GSK3B: variants seen among roughly 807,000 people sequenced by gnomAD.
GSK3B encodes the protein glycogen synthase kinase-3 beta.
In GSK3B, 15 loss-of-function variants were observed where a neutral mutation model predicts 56.4. That is an observed-to-expected ratio of 0.27 (90% CI 0.18 to 0.41). The LOEUF (loss-of-function observed/expected upper bound fraction) is 0.41. GSK3B is among the 10% of genes least tolerant of loss of function. The pLI is 1.00. For missense variants in GSK3B, 300 were observed against 513.4 expected (o/e 0.58, Z 4.02); for synonymous variants, 181 against 188.9 (o/e 0.96, Z 0.34).
At chr3:119,913,836 C>T (rs996192794) in intron 5 of GSK3B, among the ~76,000 whole-genome samples, 12 of 152,160 alleles carry the variant, frequency 7.9e-5, no homozygotes, top group African/African-American at 2.9e-4. Flanking sequence ...ACCCTCTCCC[C>T]AAGTACTGAC....
intron 1 of GSK3B, among the ~76,000 whole-genome samples, chr3:120,022,144 T>C (rs892191638): frequency 1.3e-5 from 2 of 152,236 alleles, no homozygotes; most frequent in South Asian, 2.1e-4. Flanking sequence ...TGTCTCCTTT[T>C]AAACAATTGG....
At chr3:119,974,487 C>T (rs537657780) in intron 2 of GSK3B, among the ~76,000 whole-genome samples, 7 of 152,240 alleles carry the variant, frequency 4.6e-5, no homozygotes, top group East Asian at 1.9e-4. Flanking sequence ...GATGCCCCCA[C>T]GGAAGGACAC....
intron 1 of GSK3B, among the ~76,000 whole-genome samples, chr3:120,049,811 G>A (rs1224662701): frequency 5.3e-5 from 8 of 152,098 alleles, no homozygotes; most frequent in Non-Finnish European, 7.4e-5. Flanking sequence ...TAAACATTTC[G>A]GGCTTTGCAA....
At chr3:120,056,622 A>G (rs2058193251) in intron 1 of GSK3B, among the ~76,000 whole-genome samples, 1 of 152,108 alleles carries the variant, frequency 6.6e-6, no homozygotes, top group Non-Finnish European at 1.5e-5. Flanking sequence ...TACAGACATG[A>G]GCCACTGTGC....
intron 10 of GSK3B, among the ~76,000 whole-genome samples, chr3:119,827,579 C>T (rs1281515218): frequency 1.1e-5 from 1 of 94,520 alleles, no homozygotes; most frequent in African/African-American, 3.8e-5. Flanking sequence ...AGTAAGATAC[C>T]GTCTTTAAAA....
At chr3:119,937,106 G>C (rs2057003028) in intron 3 of GSK3B, among the ~76,000 whole-genome samples, 1 of 152,078 alleles carries the variant, frequency 6.6e-6, no homozygotes, top group African/African-American at 2.4e-5. Context: ...TCACAAATGT[G>C]TGGAAATTGA....
intron 2 of GSK3B, among the ~76,000 whole-genome samples, chr3:119,991,603 C>T (rs1263634840): frequency 6.6e-6 from 1 of 150,420 alleles, no homozygotes; most frequent in East Asian, 2.0e-4. Flanking sequence ...CCTATTTCAA[C>T]CTTCTGCTGG....
intron 1 of GSK3B, chr3:120,029,749 T>G (rs149228520): frequency 3.6e-5 from 20 of 554,894 alleles, no homozygotes; most frequent in Non-Finnish European, 7.3e-5. Context: ...GGAGCTCTCT[T>G]TGGAATATGG....
At chr3:120,057,188 G>A (rs2058198359) in intron 1 of GSK3B, among the ~76,000 whole-genome samples, 1 of 152,082 alleles carries the variant, frequency 6.6e-6, no homozygotes, top group South Asian at 2.1e-4. Flanking sequence ...GAACTTACTA[G>A]TAATCAAAGC....
At chr3:119,904,030 T>C (rs2056654357) in intron 7 of GSK3B, among the ~76,000 whole-genome samples, 1 of 152,124 alleles carries the variant, frequency 6.6e-6, no homozygotes, top group Admixed American at 6.6e-5. Context: ...AGAGAAAGGT[T>C]ATATTTCCCC....
At chr3:120,085,135 T>A (rs751285584) in intron 1 of GSK3B, among the ~76,000 whole-genome samples, 9 of 152,198 alleles carry the variant, frequency 5.9e-5, no homozygotes, top group Non-Finnish European at 1.3e-4. Flanking sequence ...TAAATTACAT[T>A]TTTTAAAATT....
rs73854768 is a variant in GSK3B at position 120,039,678 on chromosome 3, G to A, written c.89-37439C>T. On this transcript the variant is annotated intron_variant, in intron 1 of 10. Coordinates refer to ENST00000264235, the MANE Select transcript of GSK3B (RefSeq NM_001146156.2). ...AAAAAATATTCACAAGTAGCCAATC[G>A]GGTCTGCTTAGATTGTGTAGTCCGA... Among the ~76,000 whole-genome samples the A allele has an allele frequency of 5.0e-3, 756 of 152,246 alleles. 4 individuals carry two copies. The highest frequency in any genetic ancestry group is 0.017 in the African/African-American group (702 of 41,530).
At chr3:120,004,173 A>G (rs144469699) in intron 1 of GSK3B, among the ~76,000 whole-genome samples, 44 of 152,298 alleles carry the variant, frequency 2.9e-4, no homozygotes, top group Admixed American at 5.9e-4. Flanking sequence ...TCAACCTAAG[A>G]TGTGGGAGCT....
chr3:119,949,381 T>C (rs1402852814), intron 2 of GSK3B, among the ~76,000 whole-genome samples: 1 of 152,180 alleles, frequency 6.6e-6, no homozygotes, highest in East Asian at 1.9e-4. Flanking sequence ...GCCTGAATGA[T>C]ATGAAGGTAA....
At chr3:119,935,827 C>CT (rs2056988408) in intron 3 of GSK3B, among the ~76,000 whole-genome samples, 1 of 152,076 alleles carries the variant, frequency 6.6e-6, no homozygotes, top group Non-Finnish European at 1.5e-5. Flanking sequence ...ATCGATATCC[C>CT]TTATGAATAT....
chr3:120,053,685 C>T (rs926928522), intron 1 of GSK3B, among the ~76,000 whole-genome samples: 1 of 152,296 alleles, frequency 6.6e-6, no homozygotes, highest in African/African-American at 2.4e-5. Flanking sequence ...TGCCAAAATT[C>T]CTACGTGTTG....
intron 1 of GSK3B, among the ~76,000 whole-genome samples, chr3:120,080,328 CGAA>C (rs1230726857): frequency 1.3e-5 from 2 of 148,616 alleles, no homozygotes; most frequent in East Asian, 3.9e-4. Context: ...AGAAGGAAGA[CGAA>C]GGAAGAAGGA....
chr3:120,053,315 C>T (rs191536099), intron 1 of GSK3B, among the ~76,000 whole-genome samples: 1,584 of 152,176 alleles, frequency 0.01, 23 homozygotes, highest in African/African-American at 0.036. Context: ...CCAGCCTGGG[C>T]GACAGAGTGA....
intron 1 of GSK3B, among the ~76,000 whole-genome samples, chr3:120,039,841 T>C (rs2058051275): frequency 6.6e-6 from 1 of 152,230 alleles, no homozygotes; most frequent in Non-Finnish European, 1.5e-5. Context: ...ATTGCCTTGC[T>C]GAGAAAACTT....
Sources: allele counts gnomAD v4.1 joint callset (sites outside exome capture counted in the v4.1 genomes callset), GRCh38; gene constraint gnomAD v4.1.1; transcripts MANE v1.5; gene names NCBI Gene and HGNC (gene_info 2026-07-23, HGNC 2026-07-21).